PTPRD: variants seen among roughly 807,000 people sequenced by gnomAD.
PTPRD encodes protein tyrosine phosphatase receptor type D.
Under a neutral mutation model 214.5 loss-of-function variants are expected in PTPRD, and 34 were observed. The ratio of observed to expected loss-of-function variants is 0.16; its 90% CI spans 0.12 to 0.21. The LOEUF (loss-of-function observed/expected upper bound fraction) is 0.21, where lower values mean the gene tolerates loss of function less well. Among genes scored for constraint, PTPRD ranks in the 10% least tolerant of loss-of-function variants. The pLI is 1.00. For synonymous variants in PTPRD, 1,128 were observed against 845.7 expected, an observed-to-expected ratio of 1.33 and a Z score of -5.79; for missense variants, 2,545 against 2,398.7, an observed-to-expected ratio of 1.06 and a Z score of -1.27.
At chr9:9,205,553 CATT>C (rs1226784721) in intron 9 of PTPRD, among the ~76,000 whole-genome samples, 2 of 152,144 alleles carry the variant, frequency 1.3e-5, no homozygotes, top group African/African-American at 2.4e-5. Flanking sequence ...AACAAAGCAT[CATT>C]AAGACAGTCT....
At chr9:10,598,878 C>A (rs1002738049) in intron 2 of PTPRD, among the ~76,000 whole-genome samples, 1 of 151,508 alleles carries the variant, frequency 6.6e-6, no homozygotes, top group South Asian at 2.1e-4. Context: ...TATGACACTA[C>A]CAATTTTTGA....
At chr9:10,158,015 G>C (rs1408193093) in intron 3 of PTPRD, among the ~76,000 whole-genome samples, 1 of 151,790 alleles carries the variant, frequency 6.6e-6, no homozygotes, top group African/African-American at 2.4e-5. Context: ...TTGTTTGTTT[G>C]TTTGTTTGTT....
At chr9:8,871,317 C>T (rs1472955385) in intron 11 of PTPRD, among the ~76,000 whole-genome samples, 1 of 152,072 alleles carries the variant, frequency 6.6e-6, no homozygotes, top group African/African-American at 2.4e-5. Flanking sequence ...GTTCACGGAG[C>T]TGAAAAATGG....
chr9:8,685,635 C>A (rs1189240091), intron 12 of PTPRD, among the ~76,000 whole-genome samples: 3 of 152,124 alleles, frequency 2.0e-5, no homozygotes, highest in African/African-American at 7.2e-5. Flanking sequence ...ACTGACTGAA[C>A]AGTGGACTTG....
chr9:10,198,999 C>T (rs1024272876), intron 3 of PTPRD, among the ~76,000 whole-genome samples: 1 of 151,826 alleles, frequency 6.6e-6, no homozygotes, highest in African/African-American at 2.4e-5. Context: ...AAGACAATCC[C>T]TTATGTTGGC....
intron 2 of PTPRD, among the ~76,000 whole-genome samples, chr9:10,569,539 A>G (rs1023759966): frequency 6.0e-5 from 9 of 149,212 alleles, no homozygotes; most frequent in Non-Finnish European, 9.0e-5. Flanking sequence ...CTCTGTGTGT[A>G]TATATATATA....
intron 5 of PTPRD, among the ~76,000 whole-genome samples, chr9:9,808,761 A>G (rs1348433004): frequency 2.0e-5 from 3 of 152,024 alleles, no homozygotes. Flanking sequence ...TGACTGGGGT[A>G]TTAGTTTAAT....
At chr9:9,452,364 T>C (rs2092360528) in intron 8 of PTPRD, among the ~76,000 whole-genome samples, 1 of 151,530 alleles carries the variant, frequency 6.6e-6, no homozygotes, top group South Asian at 2.1e-4. Context: ...CAATCATTTC[T>C]CACTACAATA....
chr9:8,795,064 A>G (rs1374808811), intron 11 of PTPRD, among the ~76,000 whole-genome samples: 1 of 152,158 alleles, frequency 6.6e-6, no homozygotes, highest in Non-Finnish European at 1.5e-5. Flanking sequence ...GAACCTTTTC[A>G]AATCTTCCGC....
At chr9:10,231,594 CTG>C (rs2099610141) in intron 3 of PTPRD, among the ~76,000 whole-genome samples, 1 of 151,850 alleles carries the variant, frequency 6.6e-6, no homozygotes. Context: ...ATGCGTGAAC[CTG>C]TGTGTTACTT....
At chr9:9,582,639 A>T (rs1365879289) in intron 7 of PTPRD, among the ~76,000 whole-genome samples, 1 of 152,110 alleles carries the variant, frequency 6.6e-6, no homozygotes, top group East Asian at 1.9e-4. Context: ...ATTATATCTC[A>T]ATAAAGCTGT....
intron 9 of PTPRD, among the ~76,000 whole-genome samples, chr9:9,357,939 C>T (rs535949447): frequency 6.6e-6 from 1 of 151,090 alleles, no homozygotes; most frequent in Non-Finnish European, 1.5e-5. Flanking sequence ...TTCTGTAATG[C>T]TTTAGAATTT....
chr9:9,354,981 G>C (rs577150408), intron 9 of PTPRD, among the ~76,000 whole-genome samples: 1 of 151,888 alleles, frequency 6.6e-6, no homozygotes, highest in African/African-American at 2.4e-5. Flanking sequence ...AGAAAATAAA[G>C]GGAAAGGTAC....
intron 9 of PTPRD, among the ~76,000 whole-genome samples, chr9:9,276,699 G>T (rs1340444841): frequency 6.6e-6 from 1 of 151,282 alleles, no homozygotes; most frequent in Non-Finnish European, 1.5e-5. Flanking sequence ...TGGAGCAGAA[G>T]TTTCTGAGAA....
chr9:9,904,558 G>A (rs1314964903), intron 5 of PTPRD, among the ~76,000 whole-genome samples: 2 of 152,026 alleles, frequency 1.3e-5, no homozygotes, highest in Non-Finnish European at 2.9e-5. Flanking sequence ...AATGGCCACA[G>A]TAATTTTTTT....
At chr9:9,154,192 A>C (rs921956507) in intron 10 of PTPRD, among the ~76,000 whole-genome samples, 2 of 152,186 alleles carry the variant, frequency 1.3e-5, no homozygotes, top group East Asian at 1.9e-4. Flanking sequence ...CATTAATGCC[A>C]CAATGAATTA....
intron 4 of PTPRD, among the ~76,000 whole-genome samples, chr9:10,027,999 A>G (rs1257989051): frequency 6.6e-6 from 1 of 152,158 alleles, no homozygotes; most frequent in East Asian, 1.9e-4. Flanking sequence ...TTGATGGGTC[A>G]TATGGTTTGA....
chr9:9,403,012 A>G (rs1434679251), intron 8 of PTPRD, among the ~76,000 whole-genome samples: 2 of 147,756 alleles, frequency 1.4e-5, no homozygotes, highest in Admixed American at 1.4e-4. Context: ...ATGAGGTGCC[A>G]GGCGCGGTGT....
At chr9:9,353,801 C>T (rs12001806) in intron 9 of PTPRD, among the ~76,000 whole-genome samples, 7 of 151,858 alleles carry the variant, frequency 4.6e-5, no homozygotes, top group Admixed American at 2.6e-4. Context: ...AAAACAACAC[C>T]CTTTTATTAG....
Sources: allele counts gnomAD v4.1 joint callset (sites outside exome capture counted in the v4.1 genomes callset), GRCh38; gene constraint gnomAD v4.1.1; transcripts MANE v1.5; gene names NCBI Gene and HGNC (gene_info 2026-07-23, HGNC 2026-07-21).